The following IGF2BP1 variants were observed in gnomAD, a reference collection of about 807,000 sequenced individuals.
IGF2BP1 encodes insulin like growth factor 2 mRNA binding protein 1.
A neutral mutation model predicts 74.9 loss-of-function variants in IGF2BP1; 11 were observed. That is an observed-to-expected ratio of 0.15 (90% CI 0.09 to 0.24). The LOEUF (loss-of-function observed/expected upper bound fraction) is 0.24, where lower values mean the gene tolerates loss of function less well. Among genes scored for constraint, IGF2BP1 ranks in the 10% least tolerant of loss-of-function variants. The pLI is 1.00. For synonymous variants in IGF2BP1, 287 were observed against 281.8 expected (o/e 1.02, Z -0.18); for missense variants, 440 against 757.4 (o/e 0.58, Z 4.92).
chr17:49,024,783 G>A (rs2041831780), intron 2 of IGF2BP1, among the ~76,000 whole-genome samples: 1 of 152,204 alleles, frequency 6.6e-6, no homozygotes, highest in African/African-American at 2.4e-5. Context: ...CTAATAAATT[G>A]TGAACACCTT....
upstream of IGF2BP1, chr17:48,997,335 G>A (rs2041416882): frequency 6.3e-6 from 1 of 159,850 alleles, no homozygotes; most frequent in Non-Finnish European, 1.4e-5. The surrounding 1 kb of genome is among the most constrained non-coding windows in gnomAD (Gnocchi z 4.8). Context: ...TGCAGGGTGG[G>A]TGGGGGCTGT....
At chr17:49,030,471 G>A (rs1264753130) in intron 4 of IGF2BP1, among the ~76,000 whole-genome samples, 1 of 152,046 alleles carries the variant, frequency 6.6e-6, no homozygotes, top group Non-Finnish European at 1.5e-5. Flanking sequence ...ATACACTTTG[G>A]TTCTTGTGTC....
chr17:49,044,510 G>A (rs1057235813), intron 11 of IGF2BP1, among the ~76,000 whole-genome samples: 17 of 152,188 alleles, frequency 1.1e-4, no homozygotes, highest in Non-Finnish European at 2.1e-4. Flanking sequence ...CACCTTCCCT[G>A]GCCAAGGTCC....
chr17:49,039,825 T>G, intron 6 of IGF2BP1, 132 bp from the exon 7 acceptor site: 1 of 937,548 alleles, frequency 1.1e-6, no homozygotes, highest in Non-Finnish European at 1.6e-6. Flanking sequence ...CTTCCCAAAG[T>G]TGTACTTGAT....
At chr17:48,998,978 A>G in intron 1 of IGF2BP1, 131 bp from the exon 2 acceptor site, 2 of 637,856 alleles carry the variant, frequency 3.1e-6, no homozygotes, top group Admixed American at 2.8e-5. Context: ...TGCGGAAGCC[A>G]CTGCCTGGAT....
At chr17:48,999,021 G>T (rs1048565194) in intron 1 of IGF2BP1, 88 bp from the exon 2 acceptor site, 4 of 796,316 alleles carry the variant, frequency 5.0e-6, no homozygotes, top group South Asian at 1.5e-5. Context: ...AGTAACTCCT[G>T]AATTATCCTA....
intron 4 of IGF2BP1, among the ~76,000 whole-genome samples, chr17:49,030,254 G>C (rs1473612764): frequency 3.3e-5 from 5 of 150,124 alleles, no homozygotes; most frequent in African/African-American, 1.2e-4. Flanking sequence ...CAGTTCTTCT[G>C]TCTCAACCTC....
In IGF2BP1 at chr17:49,045,901, A is replaced by G. The variant is rs2042103270; in HGVS notation, c.1407A>G (p.Arg469=). The G allele has an allele frequency of 6.2e-7, 1 of 1,613,942 alleles. No individual in the cohort carries two copies. The highest frequency in any genetic ancestry group is 8.5e-7 in the Non-Finnish European group (1 of 1,179,872). ...CCTCCTCTTCTCAGGCTCAGGGAAG[A>G]ATCTATGGCAAACTCAAGGAGGAGA... ...PPEAQFKAQG[R]IYGKLKEENF... Residue 469 remains arginine (R), a synonymous_variant, in exon 13 of 15, where the codon AGA becomes AGG. Coordinates refer to ENST00000290341, the MANE Select transcript of IGF2BP1 (RefSeq NM_006546.4).
chr17:49,032,878 T>C (rs1275282963), intron 5 of IGF2BP1, among the ~76,000 whole-genome samples: 1 of 151,714 alleles, frequency 6.6e-6, no homozygotes, highest in African/African-American at 2.4e-5. Context: ...TGCAGTGGCA[T>C]GATATCTGCT....
At position 49,030,752 on chromosome 17, in the gene IGF2BP1, A is replaced by G. The variant is rs536124582; in HGVS notation, c.338-1158A>G. ...AGCGATTCTCCTGCCTCAGCCTCCC[A>G]AGTAGCTGGGACTATAAGCGCATGC... On this transcript the variant is annotated intron_variant, in intron 4 of 14. Coordinates refer to ENST00000290341, the MANE Select transcript of IGF2BP1 (RefSeq NM_006546.4). Among the ~76,000 whole-genome samples, 10 of 151,684 alleles carry G rather than the reference A, an allele frequency of 6.6e-5. No homozygotes were observed. The South Asian group carries it at 2.1e-3, about 32-fold the overall frequency.
At chr17:49,020,361 A>G (rs1044045669) in intron 2 of IGF2BP1, among the ~76,000 whole-genome samples, 19 of 152,074 alleles carry the variant, frequency 1.2e-4, no homozygotes, top group Non-Finnish European at 2.4e-4. Context: ...CCTTTAAAGG[A>G]AGGGAATTAA....
intron 1 of IGF2BP1, 97 bp downstream of exon 1, chr17:48,998,017 C>G: frequency 7.0e-7 from 1 of 1,428,146 alleles, no homozygotes; most frequent in Non-Finnish European, 9.5e-7. Flanking sequence ...TCCTCTCTTC[C>G]CGGGCCTGCG....
rs1392636319 is a variant in IGF2BP1, at chr17:49,045,018, A to C, written c.1348A>C (p.Lys450Gln). 8.1e-6 allele frequency: 13 copies of C among 1,614,184 alleles called. No homozygotes were observed. In the South Asian group the frequency reaches 1.3e-4, roughly 16 times the overall value. The part of the protein sequence containing the change: ...KIAPPETPDS[K>Q]VRMVIITGPP... ...TGCACCACCCGAAACACCTGACTCCAAAGTTCGTATGGTTATCATCACTGG... is the reference window on the plus strand; with the variant it reads ...TGCACCACCCGAAACACCTGACTCCCAAGTTCGTATGGTTATCATCACTGG... Residue 450 changes from lysine to glutamine, a missense_variant, in exon 12 of 15, where the codon AAA becomes CAA. Lys to Gln is a moderately conservative substitution (Grantham distance 53, BLOSUM62 1). Transcript: ENST00000290341.
At position 49,054,248 on chromosome 17, in the gene IGF2BP1, A is replaced by G. The variant is rs2042200389; in HGVS notation, c.*4804A>G. The G allele has an allele frequency of 6.6e-6, 1 of 152,416 alleles. No homozygotes were observed. Among genetic ancestry groups the G allele is most frequent in the Non-Finnish European group, 1.5e-5 (1 of 68,022 alleles). 9.4% of individuals were successfully genotyped at this position (152,416 alleles called of 1,614,324 possible). A position where few individuals can be genotyped will look rare whatever the true frequency, so the allele number is the denominator to read the frequency against. ...CTTTGCTGGCGCCTTAGTATGGTTG[A>G]CTCCGGATGGACAAAAGAAAAAAAA... is the stretch of plus-strand genomic sequence containing the variant. On this transcript the variant is annotated 3_prime_UTR_variant, in exon 15 of 15. Coordinates refer to ENST00000290341, the MANE Select transcript of IGF2BP1 (RefSeq NM_006546.4).
At chr17:49,018,372 C>G (rs774839595) in intron 2 of IGF2BP1, among the ~76,000 whole-genome samples, 2 of 152,162 alleles carry the variant, frequency 1.3e-5, no homozygotes, top group African/African-American at 4.8e-5. Flanking sequence ...TTTCCAGTAT[C>G]CTGGGAACCC....
intron 2 of IGF2BP1, among the ~76,000 whole-genome samples, chr17:49,019,901 A>AATTT (rs1204922413): frequency 7.8e-5 from 4 of 51,448 alleles, no homozygotes; most frequent in South Asian, 1.0e-3. Context: ...ACACCTGGCT[A>AATTT]ATTTATATAT....
intron 2 of IGF2BP1, among the ~76,000 whole-genome samples, chr17:49,021,820 C>T (rs902653036): frequency 2.6e-5 from 4 of 152,232 alleles, no homozygotes; most frequent in Admixed American, 6.5e-5. Flanking sequence ...GGCAAAGGCA[C>T]TTCTCAGCTC....
chr17:49,031,782 TGTGATCTACC>T, intron 4 of IGF2BP1, 118 bp from the exon 5 acceptor site: 1 of 815,224 alleles, frequency 1.2e-6, no homozygotes, highest in Non-Finnish European at 2.1e-6. Context: ...GATTTGCAGT[TGTGATCTACC>T]GTGTCTGGCC....
intron 11 of IGF2BP1, 71 bp from the exon 12 acceptor site, chr17:49,044,920 A>C: frequency 7.7e-7 from 1 of 1,304,240 alleles, no homozygotes; most frequent in Non-Finnish European, 1.1e-6. Context: ...TAGAAGGGGA[A>C]CTGGATGAAG....
Sources: allele counts gnomAD v4.1 joint callset (sites outside exome capture counted in the v4.1 genomes callset), GRCh38; gene constraint gnomAD v4.1.1; non-coding constraint Gnocchi (gnomAD v3.1); transcripts MANE v1.5; gene names NCBI Gene and HGNC (gene_info 2026-07-23, HGNC 2026-07-21).